The following CSMD1 variants were observed in gnomAD, a reference collection of about 807,000 sequenced individuals.
CSMD1 encodes the protein CUB and sushi domain-containing protein 1.
CSMD1 carries 213 observed loss-of-function variants against 417.5 expected under a neutral mutation model. The observed-to-expected ratio is 0.51, with a 90% CI of 0.46 to 0.57. CSMD1 has a LOEUF of 0.57. Among genes scored for constraint, CSMD1 ranks in the 20% least tolerant of loss-of-function variants. The probability of loss-of-function intolerance (pLI) is 0.00; values close to 1 mark genes in which losing one functional copy is unlikely to be tolerated. For missense variants in CSMD1, 6,923 were observed against 4,529.7 expected (o/e 1.53, Z -15.17); for synonymous variants, 2,862 against 1,736.8 (o/e 1.65, Z -16.11).
At chr8:3,646,376 C>T (rs943745609) in intron 7 of CSMD1, among the ~76,000 whole-genome samples, 1 of 152,064 alleles carries the variant, frequency 6.6e-6, no homozygotes, top group Non-Finnish European at 1.5e-5. Context: ...TTTTTCTATG[C>T]ATGCATTGCT....
At chr8:4,976,421 G>C (rs748040226) in intron 1 of CSMD1, among the ~76,000 whole-genome samples, 1 of 152,070 alleles carries the variant, frequency 6.6e-6, no homozygotes, top group Admixed American at 6.6e-5. Flanking sequence ...GAAATATAAA[G>C]AAAGTTTGTT....
chr8:4,420,444 G>A (rs975470191), intron 2 of CSMD1, among the ~76,000 whole-genome samples: 1 of 152,010 alleles, frequency 6.6e-6, no homozygotes, highest in Non-Finnish European at 1.5e-5. Context: ...GTGAAGGTGC[G>A]TCATGGTGGT....
intron 2 of CSMD1, among the ~76,000 whole-genome samples, chr8:4,533,628 G>A (rs1483751552): frequency 6.6e-6 from 1 of 151,958 alleles, no homozygotes; most frequent in African/African-American, 2.4e-5. Flanking sequence ...CACTAATGAT[G>A]AAGATCTGGC....
chr8:3,850,849 C>T (rs1026852322), intron 5 of CSMD1, among the ~76,000 whole-genome samples: 1 of 152,146 alleles, frequency 6.6e-6, no homozygotes, highest in African/African-American at 2.4e-5. Flanking sequence ...ATGATAGATA[C>T]TCTACAGACT....
rs183609803 is a variant in CSMD1 at position 4,049,630 on chromosome 8, G to T, written c.416-17531C>A. Among the ~76,000 whole-genome samples, 73 of 152,104 alleles carry T rather than the reference G, an allele frequency of 4.8e-4. 1 individual carries two copies. The highest frequency in any genetic ancestry group is 2.3e-3 in the East Asian group (12 of 5,174). Reference sequence around the variant, plus strand: ...TTAATATTTCATTGCTCTGTAAGTTGCATAAAATAACATTATATTTACTAA... The same window carrying T: ...TTAATATTTCATTGCTCTGTAAGTTTCATAAAATAACATTATATTTACTAA... On this transcript the variant is annotated intron_variant, in intron 3 of 69. Transcript: ENST00000635120.
intron 5 of CSMD1, among the ~76,000 whole-genome samples, chr8:3,916,586 A>T (rs1246319100): frequency 6.6e-6 from 1 of 152,182 alleles, no homozygotes; most frequent in African/African-American, 2.4e-5. Flanking sequence ...AACATTATGT[A>T]GGTGACAATA....
intron 1 of CSMD1, among the ~76,000 whole-genome samples, chr8:4,727,318 T>A (rs1809525488): frequency 6.6e-6 from 1 of 152,152 alleles, no homozygotes; most frequent in African/African-American, 2.4e-5. Flanking sequence ...ATTAAGTGTT[T>A]GAGAAACCCA....
At chr8:4,879,212 C>T (rs750054703) in intron 1 of CSMD1, among the ~76,000 whole-genome samples, 4 of 151,840 alleles carry the variant, frequency 2.6e-5, no homozygotes, top group African/African-American at 4.8e-5. Context: ...ATGGCTGCAG[C>T]GTTTCATGAA....
intron 3 of CSMD1, among the ~76,000 whole-genome samples, chr8:4,343,655 A>G (rs1800610300): frequency 6.6e-6 from 1 of 152,154 alleles, no homozygotes; most frequent in African/African-American, 2.4e-5. Context: ...ATCTCCTAGG[A>G]GACAAAGTCT....
chr8:4,224,687 G>C (rs528335276), intron 3 of CSMD1, among the ~76,000 whole-genome samples: 73 of 152,342 alleles, frequency 4.8e-4, no homozygotes, highest in African/African-American at 1.8e-3. Flanking sequence ...AATTTCAGAT[G>C]CATGGAGATG....
chr8:3,691,720 T>C lies in CSMD1; in HGVS notation c.1009+16694A>G, dbSNP rs146764195. On this transcript the variant is annotated intron_variant, in intron 7 of 69. Transcript: ENST00000635120. The stretch of plus-strand genomic sequence containing the variant: ...AACAAATAAAACCCTATAAGGTAAA[T>C]ATTATCGCTATTTTAGAATTTGAGA... Among the ~76,000 whole-genome samples, 705 of 152,230 alleles carry C rather than the reference T, an allele frequency of 4.6e-3. 9 individuals are homozygous for C. The highest frequency in any genetic ancestry group is 0.016 in the African/African-American group (670 of 41,536).
intron 11 of CSMD1, among the ~76,000 whole-genome samples, chr8:3,479,131 T>C (rs77778020): frequency 0.015 from 2,237 of 152,086 alleles, 80 homozygotes; most frequent in East Asian, 0.14. Context: ...AAGTAAACCC[T>C]TGAAGCCTCC....
At chr8:3,542,668 C>A (rs1016778431) in intron 10 of CSMD1, among the ~76,000 whole-genome samples, 3 of 152,166 alleles carry the variant, frequency 2.0e-5, no homozygotes, top group Admixed American at 1.3e-4. Flanking sequence ...ATGTGTTTCT[C>A]CCCCTATTCT....
At chr8:4,261,522 T>C (rs139932828) in intron 3 of CSMD1, among the ~76,000 whole-genome samples, 1 of 152,312 alleles carries the variant, frequency 6.6e-6, no homozygotes, top group South Asian at 2.1e-4. Flanking sequence ...ACTGTTATTA[T>C]ATACTTGAAA....
intron 23 of CSMD1, among the ~76,000 whole-genome samples, chr8:3,332,506 G>A (rs545140184): frequency 1.3e-5 from 2 of 152,356 alleles, no homozygotes; most frequent in Non-Finnish European, 2.9e-5. Flanking sequence ...AACTATGCCT[G>A]TGACCATTCA....
chr8:3,399,541 C>T lies in CSMD1; in HGVS notation c.2267-12G>A, dbSNP rs147344185. The T allele has an allele frequency of 7.0e-5, 109 of 1,567,916 alleles. No individual in the cohort carries two copies. The East Asian group carries it at 9.2e-4, about 13-fold the overall frequency. On this transcript the variant is annotated splice_polypyrimidine_tract_variant and intron_variant, in intron 15 of 69. Transcript: ENST00000635120. ...TCCACCACATGGAGCTAAAACAAGA[C>T]GTAGAATATCTATTAGATCCAATGA...
chr8:4,519,965 T>C (rs1296253211), intron 2 of CSMD1, among the ~76,000 whole-genome samples: 1 of 151,534 alleles, frequency 6.6e-6, no homozygotes, highest in Non-Finnish European at 1.5e-5. Flanking sequence ...GTGGTGTGTA[T>C]ACATTTTTCA....
Position 4,609,706 on chromosome 8 carries a change from G to C in CSMD1, c.302+27636C>G, listed in dbSNP as rs187357894. On this transcript the variant is annotated intron_variant, in intron 2 of 69. Coordinates refer to ENST00000635120, the MANE Select transcript of CSMD1 (RefSeq NM_033225.6). The stretch of plus-strand genomic sequence containing the variant: ...TGTACAGGAAACATTGCCAATTTTA[G>C]AGCAATTTAAACAAGAAAACAGAAA... Among the ~76,000 whole-genome samples the C allele has an allele frequency of 1.5e-4, 23 of 152,236 alleles. No homozygotes were observed. In the East Asian group the frequency reaches 4.1e-3, roughly 27 times the overall value.
intron 2 of CSMD1, among the ~76,000 whole-genome samples, chr8:4,527,543 G>A (rs947284023): frequency 2.0e-5 from 3 of 152,136 alleles, no homozygotes; most frequent in Non-Finnish European, 4.4e-5. Context: ...GTACCAGCAG[G>A]TGTTTGTAGA....
Sources: gnomAD v4.1 joint callset for allele counts (sites outside exome capture counted in the v4.1 genomes callset) on GRCh38, gnomAD v4.1.1 for gene constraint, MANE v1.5 for transcripts, NCBI Gene and HGNC (gene_info 2026-07-23, HGNC 2026-07-21) for gene names.